LRIT3: variants seen among roughly 807,000 people sequenced by gnomAD.
LRIT3 encodes leucine rich repeat, Ig-like and transmembrane domains 3.
Under a neutral mutation model 22.6 loss-of-function variants are expected in LRIT3, and 14 were observed. That is an observed-to-expected ratio of 0.62 (90% CI 0.41 to 0.97). LRIT3 has a LOEUF of 0.97. LRIT3 is among the 50% of genes least tolerant of loss of function. LRIT3 has a pLI of 0.00. For synonymous variants in LRIT3, 306 were observed against 304.5 expected, an observed-to-expected ratio of 1.01 and a Z score of -0.05; for missense variants, 783 against 803.0, an observed-to-expected ratio of 0.98 and a Z score of 0.30.
chr4:109,848,403 T>A, intron 1 of LRIT3, 86 bp downstream of exon 1: 1 of 665,104 alleles, frequency 1.5e-6, no homozygotes, highest in Non-Finnish European at 2.1e-6. Flanking sequence ...AAAGCAAATG[T>A]TTGGGGATCA....
intron 1 of LRIT3, among the ~76,000 whole-genome samples, chr4:109,850,423 CTTTCTTTCTTTCT>C (rs1273354227): frequency 0.013 from 82 of 6,116 alleles, 2 homozygotes; most frequent in African/African-American, 0.021. Flanking sequence ...TCCTTCCTTC[CTTTCTTTCTTTCT>C]TTCTTTCTTT....
At position 109,869,779 on chromosome 4, in the gene LRIT3, A is replaced by G. The variant is rs1312331557; in HGVS notation, c.1030A>G (p.Thr344Ala). The G allele has an allele frequency of 6.2e-7, 1 of 1,613,918 alleles. No homozygotes were observed. Among genetic ancestry groups the G allele is most frequent in the Admixed American group, 1.7e-5 (1 of 60,022 alleles). ...GATGTCAGAAGCTGTGGTTACTGTG[A>G]CAGTGCTTGGCATTACCACAACTCC... ...AGMSEAVVTV[T>A]VLGITTTPIP... Residue 344 changes from threonine to alanine, a missense_variant, in exon 4 of 4, where the codon ACA becomes GCA. Thr to Ala is a moderately conservative substitution (Grantham distance 58). This residue lies in a region of LRIT3 where 756 missense variants were observed against 753.8 expected (regional missense o/e 1.00). Coordinates refer to ENST00000594814, the MANE Select transcript of LRIT3 (RefSeq NM_198506.5).
chr4:109,856,675 T>G (rs1369991396), intron 2 of LRIT3, among the ~76,000 whole-genome samples: 1 of 152,206 alleles, frequency 6.6e-6, no homozygotes, highest in East Asian at 1.9e-4. Context: ...ATCAGAAATA[T>G]TCCAATCACA....
chr4:109,867,047 A>G (rs1734697784), intron 2 of LRIT3, among the ~76,000 whole-genome samples: 1 of 152,102 alleles, frequency 6.6e-6, no homozygotes, highest in South Asian at 2.1e-4. Context: ...AGCTTGCATT[A>G]CCTCAATATA....
chr4:109,868,228 T>C (rs929700174), intron 3 of LRIT3, among the ~76,000 whole-genome samples: 1 of 152,334 alleles, frequency 6.6e-6, no homozygotes, highest in African/African-American at 2.4e-5. Flanking sequence ...CTTCATCAAC[T>C]TGGATACAGC....
chr4:109,862,185 C>T (rs1397525066), intron 2 of LRIT3, among the ~76,000 whole-genome samples: 2 of 152,134 alleles, frequency 1.3e-5, no homozygotes, highest in African/African-American at 4.8e-5. Context: ...ACTTTTCACA[C>T]AAAAATAGCG....
Position 109,870,334 on chromosome 4 carries a change from CT to C in LRIT3, c.1586del (p.Leu529ArgfsTer2). On this transcript the variant is annotated frameshift_variant, in exon 4 of 4. Transcript: ENST00000594814. LOFTEE classifies it low-confidence loss of function (END_TRUNC). ...YSKYGGKDLL[L>X]LNADSSKNQV... Reference sequence around the variant, plus strand: ...CAAGTATGGTGGGAAGGACCTGCTGCTGTTGAATGCAGACTCCAGCAAGAAC... The same window carrying C: ...CAAGTATGGTGGGAAGGACCTGCTGCGTTGAATGCAGACTCCAGCAAGAAC... The C allele has an allele frequency of 1.9e-6, 3 of 1,614,190 alleles. No individual in the cohort carries two copies. The highest frequency in any genetic ancestry group is 2.5e-6 in the Non-Finnish European group (3 of 1,180,030).
intron 2 of LRIT3, among the ~76,000 whole-genome samples, chr4:109,861,378 CT>C: frequency 6.6e-6 from 1 of 151,688 alleles, no homozygotes; most frequent in East Asian, 1.9e-4. Flanking sequence ...ATATGTATAA[CT>C]TTTAAGGAAA....
chr4:109,870,772 C>T lies in LRIT3; in HGVS notation c.2023C>T (p.Pro675Ser), dbSNP rs1734816574. ...QVTFKSEGSRPEYYC is the reference protein window; with the variant it reads ...QVTFKSEGSRSEYYC ...GACTTTTAAAAGTGAAGGTTCCAGACCAGAGTATTATTGCTAAGGTTCTGC... is the reference window on the plus strand; with the variant it reads ...GACTTTTAAAAGTGAAGGTTCCAGATCAGAGTATTATTGCTAAGGTTCTGC... Residue 675 changes from proline (P) to serine (S), a missense_variant, in exon 4 of 4, where the codon CCA becomes TCA. Coordinates refer to ENST00000594814, the MANE Select transcript of LRIT3 (RefSeq NM_198506.5). 16 of 1,603,664 alleles carry T rather than the reference C, an allele frequency of 1.0e-5. No individual in the cohort carries two copies. In the East Asian group the frequency reaches 3.6e-4, roughly 36 times the overall value.
rs760879656 is a variant in LRIT3 at position 109,870,659 on chromosome 4, A to G, written c.1910A>G (p.Gln637Arg). The G allele has an allele frequency of 3.1e-6, 5 of 1,614,024 alleles. No homozygotes were observed. The Admixed American group carries it at 5.0e-5, about 16-fold the overall frequency. ...IQFETLFPRSQSVGELWTRSH... is the reference protein window; with the variant it reads ...IQFETLFPRSRSVGELWTRSH... ...TTTGAGACCCTGTTTCCCAGGTCTC[A>G]AAGTGTAGGTGAGCTCTGGACACGA... Residue 637 changes from glutamine (Q) to arginine (R), a missense_variant, in exon 4 of 4, where the codon CAA (glutamine) becomes CGA (arginine). Gln to Arg is a conservative substitution (Grantham distance 43). Transcript: ENST00000594814.
chr4:109,863,300 C>G (rs891052652), intron 2 of LRIT3, among the ~76,000 whole-genome samples: 1 of 152,168 alleles, frequency 6.6e-6, no homozygotes, highest in Non-Finnish European at 1.5e-5. Flanking sequence ...GGTTTAAGAT[C>G]AGGATACTGA....
At chr4:109,851,270 G>A (rs1353918629) in intron 1 of LRIT3, 2 of 514,926 alleles carry the variant, frequency 3.9e-6, no homozygotes, top group African/African-American at 3.8e-5. Flanking sequence ...TGCCATATGG[G>A]AAAATGAGGT....
In LRIT3 at chr4:109,866,187, G is replaced by A. The variant is rs185503212; in HGVS notation, c.590-1454G>A. On this transcript the variant is annotated intron_variant, in intron 2 of 3. Transcript: ENST00000594814. ...TTATGAACTAACAGTTACATTTCCAGCATGGTTAGAATTTGTAAAATTGCA... is the reference window on the plus strand; with the variant it reads ...TTATGAACTAACAGTTACATTTCCAACATGGTTAGAATTTGTAAAATTGCA... Among the ~76,000 whole-genome samples, 782 of 151,846 alleles carry A rather than the reference G, an allele frequency of 5.1e-3. 6 individuals are homozygous for A. The highest frequency in any genetic ancestry group is 0.011 in the Admixed American group (175 of 15,278).
chr4:109,872,296 A>T lies in LRIT3; in HGVS notation c.*1507A>T, dbSNP rs546934384. 1 of 152,254 alleles carries T rather than the reference A, an allele frequency of 6.6e-6. No individual in the cohort carries two copies. The highest frequency in any genetic ancestry group is 1.5e-5 in the Non-Finnish European group (1 of 68,052). 9.4% of individuals were successfully genotyped at this position (152,254 alleles called of 1,614,324 possible). A position where few individuals can be genotyped will look rare whatever the true frequency, so the allele number is the denominator to read the frequency against. On this transcript the variant is annotated 3_prime_UTR_variant, in exon 4 of 4. Transcript: ENST00000594814. ...TTCTGTCTTGTAAGAGCACTGCTGG[A>T]ATAAACTACTTGAGCATTAGATGGT...
At chr4:109,854,205 C>T (rs1360384152) in intron 2 of LRIT3, among the ~76,000 whole-genome samples, 4 of 152,140 alleles carry the variant, frequency 2.6e-5, no homozygotes, top group Non-Finnish European at 5.9e-5. Flanking sequence ...AATATTGATT[C>T]TTCCTATCCA....
intron 1 of LRIT3, among the ~76,000 whole-genome samples, chr4:109,850,599 C>A (rs1417006581): frequency 6.6e-6 from 1 of 151,472 alleles, no homozygotes; most frequent in African/African-American, 2.4e-5. Context: ...ACCTCCGCCT[C>A]CTGAGTAGGT....
chr4:109,861,975 G>C (rs1384873680), intron 2 of LRIT3, among the ~76,000 whole-genome samples: 1 of 152,134 alleles, frequency 6.6e-6, no homozygotes, highest in Non-Finnish European at 1.5e-5. Flanking sequence ...AATAGTTTTG[G>C]AGTATTGTGT....
intron 2 of LRIT3, among the ~76,000 whole-genome samples, chr4:109,854,267 C>T (rs1035270040): frequency 6.6e-6 from 1 of 152,136 alleles, no homozygotes; most frequent in Non-Finnish European, 1.5e-5. Context: ...TTTCCTTGAG[C>T]AGTGGTTTTT....
chr4:109,850,419 CTTCCTTTCTTTCTTTCTTTCTTTCT>C (rs1734203930), intron 1 of LRIT3, among the ~76,000 whole-genome samples: 41 of 16,700 alleles, frequency 2.5e-3, no homozygotes, highest in Middle Eastern at 0.038. Flanking sequence ...TCCTTCCTTC[CTTCCTTTCTTTCTTTCTTTCTTTCT>C]TTCTTTCTTT....
Sources: allele counts gnomAD v4.1 joint callset (sites outside exome capture counted in the v4.1 genomes callset), GRCh38; gene constraint gnomAD v4.1.1; regional missense constraint gnomAD v4.1.1; transcripts MANE v1.5; gene names NCBI Gene and HGNC (gene_info 2026-07-23, HGNC 2026-07-21).